The following SPATA33 variants were observed in gnomAD, a reference collection of about 807,000 sequenced individuals.
SPATA33 encodes the protein spermatogenesis associated 33.
Under a neutral mutation model 8.9 loss-of-function variants are expected in SPATA33, and 10 were observed. The observed-to-expected ratio is 1.12, with a 90% CI of 0.69 to 1.90. The LOEUF (loss-of-function observed/expected upper bound fraction) is 1.90, where lower values mean the gene tolerates loss of function less well. Among genes scored for constraint, SPATA33 ranks in the 40% most tolerant of loss-of-function variants. The probability of loss-of-function intolerance (pLI) is 0.00; values close to 1 mark genes in which losing one functional copy is unlikely to be tolerated. For missense variants in SPATA33, 241 were observed against 178.3 expected, an observed-to-expected ratio of 1.35 and a Z score of -2.00; for synonymous variants, 96 against 72.8, an observed-to-expected ratio of 1.32 and a Z score of -1.63.
chr16:89,661,568 T>A (rs1003890237), intron 2 of SPATA33: 6 of 152,204 alleles, frequency 3.9e-5, no homozygotes, highest in Non-Finnish European at 8.8e-5. Flanking sequence ...GATAGATGTA[T>A]TATACTGTTA....
chr16:89,660,543 C>T (rs560539017), intron 2 of SPATA33: 116 of 1,231,830 alleles, frequency 9.4e-5, no homozygotes, highest in Non-Finnish European at 1.1e-4. Context: ...CATGCAGTGA[C>T]GGGCTGAGCG....
At chr16:89,658,840 C>A in intron 2 of SPATA33, 1 of 188,912 alleles carries the variant, frequency 5.3e-6, no homozygotes, top group Non-Finnish European at 1.1e-5. Flanking sequence ...CGGAGGGTGA[C>A]CGAGGAGTAG....
chr16:89,660,294 C>G (rs150787571), intron 2 of SPATA33: 2 of 407,996 alleles, frequency 4.9e-6, no homozygotes. Context: ...CCTGCCCAGC[C>G]TCTGCAGGAC....
intron 2 of SPATA33, chr16:89,659,878 A>G (rs534234543): frequency 1.3e-5 from 2 of 152,250 alleles, no homozygotes; most frequent in Non-Finnish European, 1.5e-5. Context: ...TGAATTCCCA[A>G]CTTTGGAACC....
rs1206748927 is a variant in SPATA33 at position 89,658,299 on chromosome 16, A to G, written c.89A>G (p.Lys30Arg). 6.2e-7 allele frequency: 1 copy of G among 1,614,186 alleles called. No homozygotes were observed. Among genetic ancestry groups the G allele is most frequent in the Admixed American group, 1.7e-5 (1 of 60,032 alleles). Residue 30 changes from lysine to arginine, a missense_variant, in exon 2 of 3, where the codon AAG becomes AGG. Physicochemically the swap from Lys to Arg is conservative, Grantham distance 26. Coordinates refer to ENST00000579310, the MANE Select transcript of SPATA33 (RefSeq NM_001271907.2). ...STYSVPKSKE[K>R]LMEKHSQEAR... ...TATTCAGTTCCAAAATCTAAGGAGA[A>G]GTTGATGGAGAAGCATTCCCAGGAA...
intron 2 of SPATA33, among the ~76,000 whole-genome samples, chr16:89,667,415 T>C (rs893365494): frequency 3.9e-5 from 6 of 152,234 alleles, no homozygotes; most frequent in Non-Finnish European, 8.8e-5. Context: ...TATATAATCA[T>C]GTCTGTGATC....
chr16:89,661,258 T>C, intron 2 of SPATA33: 1 of 971,556 alleles, frequency 1.0e-6, no homozygotes, highest in Non-Finnish European at 1.2e-6. Flanking sequence ...AATTCCCACA[T>C]GTGGGAGGAA....
At chr16:89,667,875 CCT>C (rs1451796244) in intron 2 of SPATA33, 4 of 152,292 alleles carry the variant, frequency 2.6e-5, no homozygotes, top group Admixed American at 1.3e-4. Context: ...CTGTGTCTCC[CCT>C]GTTTGACTAG....
Position 89,657,894 on chromosome 16 carries a change from G to T in SPATA33, c.-18G>T, listed in dbSNP as rs1346851524. ...GTGGGGACCCGGGCTTGCGTCGGAG[G>T]GGGCGGTGGGCTCACCCATGGGCCT... On this transcript the variant is annotated 5_prime_UTR_variant, in exon 1 of 3. Transcript: ENST00000579310. 1.3e-6 allele frequency: 2 copies of T among 1,516,816 alleles called. No homozygotes were observed. The highest frequency in any genetic ancestry group is 2.6e-5 in the East Asian group (1 of 38,224). 94.0% of individuals were successfully genotyped at this position (1,516,816 alleles called of 1,614,324 possible). A position where few individuals can be genotyped will look rare whatever the true frequency, so the allele number is the denominator to read the frequency against.
intron 2 of SPATA33, chr16:89,660,764 G>T: frequency 2.3e-6 from 2 of 871,188 alleles, no homozygotes; most frequent in Non-Finnish European, 3.0e-6. Context: ...AGAGGACTTT[G>T]GAGGGTGATG....
At chr16:89,658,455 A>G in intron 2 of SPATA33, 34 bp downstream of exon 2, 2 of 1,564,596 alleles carry the variant, frequency 1.3e-6, no homozygotes, top group Non-Finnish European at 8.6e-7. Context: ...AAGCGAGGTC[A>G]GTGGCTTGGA....
chr16:89,668,693 G>A lies in SPATA33; in HGVS notation c.212-593G>A, dbSNP rs116769882. ...GGGGTGGGCGGCTGTGCCCGAGCTT[G>A]TAGCAGTGGCACTCCAGGAAGGGGC... is the stretch of plus-strand genomic sequence containing the variant. On this transcript the variant is annotated intron_variant, in intron 2 of 2. Coordinates refer to ENST00000579310, the MANE Select transcript of SPATA33 (RefSeq NM_001271907.2). 8.6e-3 allele frequency among the ~76,000 whole-genome samples: 1,308 copies of A among 152,298 alleles called. 14 individuals are homozygous for A. The highest frequency in any genetic ancestry group is 0.03 in the African/African-American group (1,238 of 41,566).
intron 2 of SPATA33, chr16:89,668,035 G>A (rs2060049939): frequency 6.6e-6 from 1 of 152,374 alleles, no homozygotes; most frequent in African/African-American, 2.4e-5. Context: ...CCGTTGGCCG[G>A]GCGCATTGGC....
In SPATA33 at chr16:89,658,355, C is replaced by G; in HGVS notation, c.145C>G (p.Pro49Ala). The G allele has an allele frequency of 6.2e-7, 1 of 1,613,748 alleles. No individual in the cohort carries two copies. Among genetic ancestry groups the G allele is most frequent in the Non-Finnish European group, 8.5e-7 (1 of 1,180,012 alleles). Residue 49 changes from proline to alanine, a missense_variant, in exon 2 of 3, where the codon CCT becomes GCT. By Grantham distance (27) the Pro-to-Ala change is conservative. Coordinates refer to ENST00000579310, the MANE Select transcript of SPATA33 (RefSeq NM_001271907.2). ...GCAGGCAGACAGGGAGTCGGAGAAG[C>G]CTGTGGACAGCCTCCACCCGGGGGC... is the stretch of plus-strand genomic sequence containing the variant. ...ARQADRESEK[P>A]VDSLHPGAGT...
At chr16:89,663,427 G>C (rs2059988227) in intron 2 of SPATA33, among the ~76,000 whole-genome samples, 1 of 151,960 alleles carries the variant, frequency 6.6e-6, no homozygotes, top group African/African-American at 2.4e-5. Context: ...TGGTCAGGCT[G>C]GTCTCAAACT....
intron 2 of SPATA33, chr16:89,659,126 C>G (rs1278661045): frequency 6.7e-6 from 1 of 148,786 alleles, no homozygotes; most frequent in Non-Finnish European, 1.5e-5. Flanking sequence ...TAGTGAGACC[C>G]TGTCTCTACA....
intron 2 of SPATA33, among the ~76,000 whole-genome samples, chr16:89,661,924 C>A (rs578005644): frequency 6.6e-6 from 1 of 152,074 alleles, no homozygotes; most frequent in African/African-American, 2.4e-5. Context: ...ATTATAGTTA[C>A]GCTAAAACAC....
Position 89,658,795 on chromosome 16 carries a change from G to T in SPATA33, c.211+374G>T, listed in dbSNP as rs767516504. On this transcript the variant is annotated intron_variant, in intron 2 of 2. Coordinates refer to ENST00000579310, the MANE Select transcript of SPATA33 (RefSeq NM_001271907.2). Reference sequence around the variant, plus strand: ...TTGGGAGGCCGTCCCAGGCTGGACTGTAGCTCTCCGAGGGCTGTGGGGATA... The same window carrying T: ...TTGGGAGGCCGTCCCAGGCTGGACTTTAGCTCTCCGAGGGCTGTGGGGATA... 4 of 266,794 alleles carry T rather than the reference G, an allele frequency of 1.5e-5. No homozygotes were observed. The East Asian group carries it at 3.1e-4, about 21-fold the overall frequency. The allele number at this position is 266,794 out of a possible 1,614,324, so 16.5% of individuals were successfully genotyped here.
At chr16:89,662,921 G>A (rs2059982073) in intron 2 of SPATA33, among the ~76,000 whole-genome samples, 1 of 152,062 alleles carries the variant, frequency 6.6e-6, no homozygotes, top group African/African-American at 2.4e-5. Context: ...AGCCTCCCGA[G>A]TAGCTGAGAC....
Sources: gnomAD v4.1 joint callset for allele counts (sites outside exome capture counted in the v4.1 genomes callset) on GRCh38, gnomAD v4.1.1 for gene constraint, MANE v1.5 for transcripts, NCBI Gene and HGNC (gene_info 2026-07-23, HGNC 2026-07-21) for gene names.